MYO1B: variants seen among roughly 807,000 people sequenced by gnomAD.
The protein encoded by MYO1B is myosin IB, also known as unconventional myosin-Ib.
A neutral mutation model predicts 159.7 loss-of-function variants in MYO1B; 72 were observed. The ratio of observed to expected loss-of-function variants is 0.45; its 90% CI spans 0.37 to 0.55. The LOEUF (loss-of-function observed/expected upper bound fraction) is 0.55, where lower values mean the gene tolerates loss of function less well. Among genes scored for constraint, MYO1B ranks in the 20% least tolerant of loss-of-function variants. The pLI is 0.00. For synonymous variants in MYO1B, 468 were observed against 473.8 expected (o/e 0.99, Z 0.16); for missense variants, 1,062 against 1,364.8 (o/e 0.78, Z 3.50).
intron 1 of MYO1B, among the ~76,000 whole-genome samples, chr2:191,256,070 A>T (rs1188035530): frequency 6.6e-6 from 1 of 152,158 alleles, no homozygotes; most frequent in Non-Finnish European, 1.5e-5. Context: ...ATGGGATCCA[A>T]ACTGAGTTAC....
chr2:191,247,893 A>G, intron 1 of MYO1B: 7 of 980,406 alleles, frequency 7.1e-6, no homozygotes, highest in South Asian at 9.4e-5. Context: ...TCCCCTTCCC[A>G]GGATGAATCA....
At chr2:191,351,745 G>A (rs879286454) in intron 7 of MYO1B, among the ~76,000 whole-genome samples, 10 of 152,158 alleles carry the variant, frequency 6.6e-5, no homozygotes, top group Admixed American at 4.6e-4. Context: ...AAAGTTAGCC[G>A]GATGTGATGG....
chr2:191,300,916 G>C (rs956705965), intron 3 of MYO1B, among the ~76,000 whole-genome samples: 10 of 151,924 alleles, frequency 6.6e-5, no homozygotes, highest in South Asian at 4.2e-4. Flanking sequence ...TTTTGTATAA[G>C]TATATGACTT....
At chr2:191,346,015 A>G (rs1359631508) in intron 5 of MYO1B, among the ~76,000 whole-genome samples, 2 of 152,226 alleles carry the variant, frequency 1.3e-5, no homozygotes, top group Non-Finnish European at 2.9e-5. Context: ...CATGAGTCAT[A>G]GGAATGATTC....
At chr2:191,330,323 T>C (rs991594064) in intron 4 of MYO1B, among the ~76,000 whole-genome samples, 3 of 152,212 alleles carry the variant, frequency 2.0e-5, no homozygotes, top group Admixed American at 6.5e-5. Context: ...ACATTAAACC[T>C]GTGTGCTGTT....
intron 1 of MYO1B, among the ~76,000 whole-genome samples, chr2:191,276,155 C>A (rs578139540): frequency 6.6e-6 from 1 of 152,242 alleles, no homozygotes; most frequent in East Asian, 1.9e-4. Context: ...ACGTAGAGGC[C>A]ACTTTTATCA....
intron 18 of MYO1B, 42 bp downstream of exon 18, chr2:191,390,534 G>C: frequency 1.3e-6 from 2 of 1,577,390 alleles, no homozygotes; most frequent in Non-Finnish European, 1.7e-6. Context: ...AATGTTTTAA[G>C]TGGTCAAATA....
intron 3 of MYO1B, among the ~76,000 whole-genome samples, chr2:191,321,684 A>G (rs1047882108): frequency 2.0e-5 from 3 of 152,098 alleles, no homozygotes; most frequent in South Asian, 2.1e-4. Flanking sequence ...TTCCTTGCAT[A>G]TGCGTTGGGG....
chr2:191,397,883 C>A (rs1202982011), intron 21 of MYO1B, among the ~76,000 whole-genome samples: 2 of 138,192 alleles, frequency 1.4e-5, no homozygotes, highest in Admixed American at 6.9e-5. Context: ...TCCTCACTTC[C>A]CAGTAGGGGC....
intron 1 of MYO1B, among the ~76,000 whole-genome samples, chr2:191,269,802 C>CA (rs1687350617): frequency 6.6e-6 from 1 of 152,018 alleles, no homozygotes; most frequent in South Asian, 2.1e-4. Context: ...GTCAGTGAGA[C>CA]AGATTGGATA....
chr2:191,423,576 G>T (rs908891521), intron 30 of MYO1B, among the ~76,000 whole-genome samples: 1 of 152,142 alleles, frequency 6.6e-6, no homozygotes, highest in Non-Finnish European at 1.5e-5. Context: ...CTGAAACGTT[G>T]TTAGGTAGCC....
intron 25 of MYO1B, among the ~76,000 whole-genome samples, 168 bp downstream of exon 25, chr2:191,408,357 C>T (rs550412880): frequency 1.3e-5 from 2 of 152,204 alleles, no homozygotes; most frequent in South Asian, 4.1e-4. Context: ...AAATCATCTT[C>T]TTCCAAATTC....
rs766032248 is a variant in MYO1B at position 191,387,247 on chromosome 2, C to T, written c.1578C>T (p.Phe526=). Residue 526 remains phenylalanine (F), a synonymous_variant, in exon 17 of 31, where the codon TTC becomes TTT. Coordinates refer to ENST00000392318, the MANE Select transcript of MYO1B (RefSeq NM_001130158.3). ...AGGTGCTGTACCAGGTGGAAGGATTCGTTGACAAAAACAATGACCTTCTCT... is the reference window on the plus strand; with the variant it reads ...AGGTGCTGTACCAGGTGGAAGGATTTGTTGACAAAAACAATGACCTTCTCT... ...AGKVLYQVEG[F]VDKNNDLLYR... is the part of the protein sequence containing the mutation. 6 of 1,614,024 alleles carry T rather than the reference C, an allele frequency of 3.7e-6. No homozygotes were observed. Among genetic ancestry groups the T allele is most frequent in the East Asian group, 2.2e-5 (1 of 44,884 alleles).
At chr2:191,393,263 A>C (rs776032174) in intron 20 of MYO1B, 41 bp downstream of exon 20, 4 of 1,602,440 alleles carry the variant, frequency 2.5e-6, no homozygotes, top group Non-Finnish European at 3.4e-6. Flanking sequence ...TAACAATGCT[A>C]ATTTGCCAAC....
chr2:191,351,638 G>C (rs964790699), intron 7 of MYO1B, among the ~76,000 whole-genome samples: 1 of 152,120 alleles, frequency 6.6e-6, no homozygotes, highest in Non-Finnish European at 1.5e-5. Flanking sequence ...TGTAATCCCA[G>C]CACTTTGGGA....
At chr2:191,373,590 A>G (rs886979285) in intron 13 of MYO1B, among the ~76,000 whole-genome samples, 1 of 152,220 alleles carries the variant, frequency 6.6e-6, no homozygotes, top group Non-Finnish European at 1.5e-5. Flanking sequence ...CCTGGCAAAC[A>G]TGGTGAAACC....
At chr2:191,389,511 T>C (rs1369482838) in intron 17 of MYO1B, among the ~76,000 whole-genome samples, 1 of 152,216 alleles carries the variant, frequency 6.6e-6, no homozygotes, top group South Asian at 2.1e-4. Context: ...GTGTCAACAT[T>C]TGCAGCCAGC....
intron 2 of MYO1B, among the ~76,000 whole-genome samples, chr2:191,294,106 A>G (rs1158151816): frequency 1.3e-5 from 2 of 152,164 alleles, no homozygotes; most frequent in Non-Finnish European, 2.9e-5. Context: ...GCTGGGGGAA[A>G]ACAAACACAC....
At chr2:191,263,340 C>T in intron 1 of MYO1B, 1 of 984,956 alleles carries the variant, frequency 1.0e-6, no homozygotes, top group Non-Finnish European at 1.2e-6. Flanking sequence ...GAACTGAAGG[C>T]TAAAGTGCTA....
Sources: gnomAD v4.1 joint callset for allele counts (sites outside exome capture counted in the v4.1 genomes callset) on GRCh38, gnomAD v4.1.1 for gene constraint, MANE v1.5 for transcripts, NCBI Gene and HGNC (gene_info 2026-07-23, HGNC 2026-07-21) for gene names.